NCOA7: variants seen among roughly 807,000 people sequenced by gnomAD.
NCOA7 encodes the protein 140 kDa estrogen receptor-associated protein.
NCOA7 carries 45 observed loss-of-function variants against 104.3 expected under a neutral mutation model. That is an observed-to-expected ratio of 0.43 (90% CI 0.34 to 0.55). The LOEUF (loss-of-function observed/expected upper bound fraction) is 0.55. NCOA7 is among the 20% of genes least tolerant of loss of function. The pLI is 0.02. For synonymous variants in NCOA7, 398 were observed against 402.3 expected (o/e 0.99, Z 0.13); for missense variants, 1,041 against 1,119.7 (o/e 0.93, Z 1.00).
At chr6:125,927,817 G>A in intron 14 of NCOA7, 59 bp downstream of exon 14, 14 of 1,371,112 alleles carry the variant, frequency 1.0e-5, no homozygotes, top group Non-Finnish European at 1.5e-5. Context: ...AGTTGGGGAA[G>A]GGGATAGGCA....
chr6:125,808,423 C>A (rs542099930), intron 1 of NCOA7, among the ~76,000 whole-genome samples: 2 of 152,318 alleles, frequency 1.3e-5, no homozygotes, highest in South Asian at 2.1e-4. Flanking sequence ...GTTGCCTCTT[C>A]TTCCTGAGCT....
Position 125,890,785 on chromosome 6 carries a change from T to A in NCOA7, c.2071T>A (p.Tyr691Asn). 1 of 1,610,606 alleles carries A rather than the reference T, an allele frequency of 6.2e-7. No individual in the cohort carries two copies. ...CGGCAAACGGAGAAAGCAGCCAGAG[T>A]ACTGGTTTGCTGTTCCTCGGGAGAG... ...QYGKRRKQPE[Y>N]WFAVPRERVD... The change falls in exon 10 of 16, where the codon TAC (tyrosine) becomes AAC (asparagine). Residue 691 changes from tyrosine to asparagine, a missense_variant. By Grantham distance (143) the Tyr-to-Asn change is moderately radical. Coordinates refer to ENST00000392477, the MANE Select transcript of NCOA7 (RefSeq NM_181782.5).
intron 1 of NCOA7, among the ~76,000 whole-genome samples, chr6:125,782,783 T>C (rs1774284960): frequency 6.6e-6 from 1 of 152,200 alleles, no homozygotes; most frequent in Admixed American, 6.5e-5. Context: ...AAATGTCCAC[T>C]TCACCCTACA....
intron 1 of NCOA7, among the ~76,000 whole-genome samples, chr6:125,802,933 AC>A (rs1441376286): frequency 6.6e-5 from 10 of 152,266 alleles, no homozygotes; most frequent in African/African-American, 2.2e-4. Flanking sequence ...TGCTGCTTAG[AC>A]ACTTTTTCTT....
In NCOA7 at chr6:125,855,105, A is replaced by T; in HGVS notation, c.136A>T (p.Asn46Tyr). ...TRTHTGKEDN[N>Y]TVVLEPDKCN... ...GACTCATACTGGGAAGGAAGATAAT[A>T]ATACAGTAGTTTTAGAGCCAGACAA... is the stretch of plus-strand genomic sequence containing the variant. The change falls in exon 3 of 16, where the codon AAT becomes TAT. Residue 46 changes from asparagine to tyrosine, a missense_variant. Asn to Tyr is a moderately radical substitution (Grantham distance 143). This residue lies in a region of NCOA7 where 914 missense variants were observed against 942.7 expected (regional missense o/e 0.97). Transcript: ENST00000392477. The T allele has an allele frequency of 6.2e-7, 1 of 1,613,500 alleles. No homozygotes were observed. Among genetic ancestry groups the T allele is most frequent in the Non-Finnish European group, 8.5e-7 (1 of 1,179,870 alleles).
In NCOA7 at chr6:125,915,473, G is replaced by A. The variant is rs1382903943; in HGVS notation, c.2237G>A (p.Ser746Asn). 1.2e-6 allele frequency: 2 copies of A among 1,613,830 alleles called. No individual in the cohort carries two copies. Among genetic ancestry groups the A allele is most frequent in the African/African-American group, 2.7e-5 (2 of 75,034 alleles). ...DNFFSEPTTK[S>N]WEIITVEEAK... The stretch of plus-strand genomic sequence containing the variant: ...TTCTTCAGTGAGCCAACAACCAAGA[G>A]CTGGGAGGTGAGCACTTGGGCAGGG... Residue 746 changes from serine (S) to asparagine (N), a missense_variant, in exon 11 of 16, where the codon AGC (serine) becomes AAC (asparagine). Physicochemically the swap from Ser to Asn is conservative, Grantham distance 46. Around this residue, in one of 2 missense-constraint regions of NCOA7, gnomAD observed 914 missense variants for 942.7 expected, o/e 0.97. Transcript: ENST00000392477.
chr6:125,821,539 G>C (rs1295094007), intron 2 of NCOA7, among the ~76,000 whole-genome samples: 1 of 152,078 alleles, frequency 6.6e-6, no homozygotes, highest in Non-Finnish European at 1.5e-5. Flanking sequence ...ATTTACACCA[G>C]TGTAAATTAA....
chr6:125,925,862 T>C (rs1787977745), intron 13 of NCOA7, among the ~76,000 whole-genome samples: 1 of 152,216 alleles, frequency 6.6e-6, no homozygotes, highest in East Asian at 1.9e-4. Context: ...CACTATTATA[T>C]AAAAGTTGTT....
Position 125,888,940 on chromosome 6 carries a change from G to GACCT in NCOA7, c.891_894dup (p.Gln299ThrfsTer27). On this transcript the variant is annotated frameshift_variant and splice_region_variant, in exon 9 of 16. Transcript: ENST00000392477. LOFTEE classifies it high-confidence loss of function. ...CACCCACCATTTCTCCCCCAACAGT[G>GACCT]ACCTACCTCAGGATCTTTGTCCTCT... 6.3e-7 allele frequency: 1 copy of GACCT among 1,589,526 alleles called. No individual in the cohort carries two copies. The highest frequency in any genetic ancestry group is 8.6e-7 in the Non-Finnish European group (1 of 1,167,038).
chr6:125,875,694 C>T (rs538364491), intron 4 of NCOA7, among the ~76,000 whole-genome samples: 1 of 152,286 alleles, frequency 6.6e-6, no homozygotes, highest in Non-Finnish European at 1.5e-5. Flanking sequence ...TGTTGCTTAA[C>T]TTAATTTATC....
intron 3 of NCOA7, among the ~76,000 whole-genome samples, chr6:125,872,184 G>A (rs1337115489): frequency 6.6e-6 from 1 of 152,100 alleles, no homozygotes; most frequent in Non-Finnish European, 1.5e-5. Context: ...CTGTGGCAAA[G>A]GAAGGTAATT....
chr6:125,811,225 G>A (rs1776974617), intron 1 of NCOA7, among the ~76,000 whole-genome samples: 1 of 152,148 alleles, frequency 6.6e-6, no homozygotes, highest in South Asian at 2.1e-4. Flanking sequence ...CTTAATTTGG[G>A]AGGAATTTTT....
chr6:125,924,235 A>G (rs1275869090), intron 13 of NCOA7, among the ~76,000 whole-genome samples: 1 of 152,238 alleles, frequency 6.6e-6, no homozygotes, highest in Non-Finnish European at 1.5e-5. Flanking sequence ...TTACCAAAAT[A>G]TCACACTTGT....
chr6:125,789,231 C>T (rs562054152), upstream of NCOA7, among the ~76,000 whole-genome samples: 1 of 152,260 alleles, frequency 6.6e-6, no homozygotes, highest in South Asian at 2.1e-4. Context: ...TCTAGATCAA[C>T]CAGTGTCAGG....
At chr6:125,920,889 C>A in intron 11 of NCOA7, 54 bp from the exon 12 acceptor site, 2 of 1,589,204 alleles carry the variant, frequency 1.3e-6, no homozygotes, top group African/African-American at 1.3e-5. Context: ...TTTAAATTAG[C>A]AGTTAGAAGA....
intron 2 of NCOA7, among the ~76,000 whole-genome samples, chr6:125,838,725 C>G (rs1353098554): frequency 6.6e-6 from 1 of 152,154 alleles, no homozygotes; most frequent in Non-Finnish European, 1.5e-5. Flanking sequence ...CCCAGGTCCC[C>G]AGACCACCTG....
At chr6:125,874,136 C>T (rs778855059) in intron 3 of NCOA7, among the ~76,000 whole-genome samples, 3 of 152,142 alleles carry the variant, frequency 2.0e-5, no homozygotes, top group Non-Finnish European at 4.4e-5. Context: ...ACAAGCCTGG[C>T]CAACATGGCG....
chr6:125,815,932 T>A (rs777628863), intron 2 of NCOA7, among the ~76,000 whole-genome samples: 5 of 152,218 alleles, frequency 3.3e-5, no homozygotes, highest in Non-Finnish European at 5.9e-5. Flanking sequence ...ATAGAAGTAA[T>A]GTAGTATATG....
chr6:125,900,776 TG>T (rs1396127004), intron 10 of NCOA7, among the ~76,000 whole-genome samples: 16 of 152,168 alleles, frequency 1.1e-4, no homozygotes, highest in African/African-American at 2.9e-4. Flanking sequence ...TAAATAAAGT[TG>T]TTTTTTTTTT....
Sources: gnomAD v4.1 joint callset for allele counts (sites outside exome capture counted in the v4.1 genomes callset) on GRCh38, gnomAD v4.1.1 for gene constraint, gnomAD v4.1.1 regional missense constraint, MANE v1.5 for transcripts, NCBI Gene and HGNC (gene_info 2026-07-23, HGNC 2026-07-21) for gene names.